Variants in CCDC120 observed in about 807,000 individuals in gnomAD.
CCDC120 encodes coiled-coil domain-containing protein 120.
Under a neutral mutation model 37.6 loss-of-function variants are expected in CCDC120, and 16 were observed. That is an observed-to-expected ratio of 0.43 (90% CI 0.29 to 0.65). The LOEUF (loss-of-function observed/expected upper bound fraction) is 0.65. Ranked by LOEUF, CCDC120 falls within the 30% of genes least tolerant of loss-of-function variation. CCDC120 has a pLI of 0.18. For missense variants in CCDC120, 650 were observed against 657.4 expected (o/e 0.99, Z 0.12); for synonymous variants, 309 against 275.4 (o/e 1.12, Z -1.21).
chrX:49,056,198 T>A (rs1345859945), upstream of CCDC120, among the ~76,000 whole-genome samples: 1 of 111,495 alleles, frequency 9.0e-6, no homozygotes, highest in Admixed American at 9.6e-5. Flanking sequence ...CCTGCATTTT[T>A]GATGTTGAGA....
chrX:49,062,484 G>T lies in CCDC120; in HGVS notation c.171G>T (p.Glu57Asp). ...TFNAPAALFG[E>D]AAPQVKSERL... ...TGTGTCCAGCTGCCCTGTTCGGAGA[G>T]GCTGCCCCCCAGGTGAAGTCAGAGC... is the stretch of plus-strand genomic sequence containing the variant. The change falls in exon 4 of 11, where the codon GAG becomes GAT. Residue 57 changes from glutamate to aspartate, a missense_variant. By Grantham distance (45) the Glu-to-Asp change is conservative. Transcript: ENST00000603986. 1.6e-6 allele frequency: 2 copies of T among 1,212,224 alleles called. No individual in the cohort carries two copies. The highest frequency in any genetic ancestry group is 2.2e-6 in the Non-Finnish European group (2 of 895,647).
chrX:49,063,927 C>T lies in CCDC120; in HGVS notation c.355C>T (p.Arg119Trp), dbSNP rs782132519. 3.1e-5 allele frequency: 37 copies of T among 1,207,402 alleles called. No homozygotes were observed. Among genetic ancestry groups the T allele is most frequent in the African/African-American group, 1.1e-4 (6 of 56,896 alleles). ...EPGERPQLVR[R>W]RPPTARAYPP... ...TGGTGAACGGCCCCAGTTGGTCCGC[C>T]GGCGGCCCCCCACAGCCCGCGCCTA... The change falls in exon 5 of 11, where the codon CGG becomes TGG. Residue 119 changes from arginine to tryptophan, a missense_variant. Coordinates refer to ENST00000603986, the MANE Select transcript of CCDC120 (RefSeq NM_001163321.4).
chrX:49,060,066 TAGGG>T (rs1311820867), intron 1 of CCDC120, among the ~76,000 whole-genome samples: 3 of 111,734 alleles, frequency 2.7e-5, no homozygotes, highest in African/African-American at 9.8e-5. Context: ...GTCGGGCTGA[TAGGG>T]AGGAGTTGGG....
chrX:49,060,866 G>C (rs782320258), intron 1 of CCDC120, among the ~76,000 whole-genome samples: 23 of 112,040 alleles, frequency 2.1e-4, no homozygotes, highest in Middle Eastern at 9.3e-3. Flanking sequence ...GAAGGGGCTT[G>C]AACCCATGCC....
At chrX:49,062,361 C>G (rs1557079693) in intron 3 of CCDC120, 36 bp downstream of exon 3, 1 of 1,207,260 alleles carries the variant, frequency 8.3e-7, no homozygotes, top group Admixed American at 2.2e-5. Context: ...GCCTCCTCCC[C>G]TGCTCTGAAT....
At chrX:49,063,038 C>T (rs1183121371) in intron 4 of CCDC120, among the ~76,000 whole-genome samples, 1 of 111,267 alleles carries the variant, frequency 9.0e-6, no homozygotes, top group African/African-American at 3.3e-5. Context: ...ACTAAAAATA[C>T]AAAAAATTAG....
chrX:49,064,423 G>A lies in CCDC120; in HGVS notation c.483G>A (p.Ala161=), dbSNP rs781853404. ...EREVSVQQQI[A]AAARRLALAP... is the part of the protein sequence containing the mutation. ...AGGTGTCAGTGCAACAGCAGATCGCGGCGGCCGCCCGCCGCCTGGCCTTGG... is the reference window on the plus strand; with the variant it reads ...AGGTGTCAGTGCAACAGCAGATCGCAGCGGCCGCCCGCCGCCTGGCCTTGG... Residue 161 remains alanine (A), a synonymous_variant, in exon 6 of 11, where the codon GCG becomes GCA. Coordinates refer to ENST00000603986, the MANE Select transcript of CCDC120 (RefSeq NM_001163321.4). 1.4e-5 allele frequency: 17 copies of A among 1,175,720 alleles called. No individual in the cohort carries two copies. The highest frequency in any genetic ancestry group is 7.5e-5 in the South Asian group (4 of 53,337).
rs186659259 is a variant in CCDC120, at chrX:49,059,304, C to T, written c.-84+209C>T. 591 of 751,157 alleles carry T rather than the reference C, an allele frequency of 7.9e-4. 4 individuals carry two copies. In the African/African-American group the frequency reaches 0.012, roughly 16 times the overall value. The allele number at this position is 751,157 out of a possible 1,213,427, so 61.9% of individuals were successfully genotyped here. A position where few individuals can be genotyped will look rare whatever the true frequency, so the allele number is the denominator to read the frequency against. ...GGGGCAAAGCCCAAAACACCAATTT[C>T]CTTTCCTGGCACCAAGCCGATTCCC... On this transcript the variant is annotated intron_variant, in intron 1 of 10. Coordinates refer to ENST00000603986, the MANE Select transcript of CCDC120 (RefSeq NM_001163321.4).
chrX:49,056,657 T>C (rs1437427268), upstream of CCDC120, among the ~76,000 whole-genome samples: 1 of 106,727 alleles, frequency 9.4e-6, no homozygotes, highest in Non-Finnish European at 1.9e-5. Flanking sequence ...AAATTGCGTC[T>C]GAATACATTT....
At chrX:49,065,135 C>CTACGTCCCTTTAGCCCATCCCCTT in intron 7 of CCDC120, 37 bp downstream of exon 7, 5 of 1,170,462 alleles carry the variant, frequency 4.3e-6, no homozygotes, top group Non-Finnish European at 5.8e-6. Context: ...CCCCCGACTC[C>CTACGTCCCTTTAGCCCATCCCCTT]TACGTCCCTT....
chrX:49,067,727 C>T lies in CCDC120; in HGVS notation c.1613C>T (p.Thr538Ile). 1 of 1,194,719 alleles carries T rather than the reference C, an allele frequency of 8.4e-7. No individual in the cohort carries two copies. Among genetic ancestry groups the T allele is most frequent in the Non-Finnish European group, 1.1e-6 (1 of 883,882 alleles). The change falls in exon 10 of 11, where the codon ACC becomes ATC. Residue 538 changes from threonine to isoleucine, a missense_variant. Transcript: ENST00000603986. Reference sequence around the variant, plus strand: ...GACAGCAACAGCCCCCTCCTCCGCACCAAGGACCCCCACACCCGTGCCACC... The same window carrying T: ...GACAGCAACAGCCCCCTCCTCCGCATCAAGGACCCCCACACCCGTGCCACC... ...AADSNSPLLR[T>I]KDPHTRATRT...
chrX:49,054,292 C>T (rs1433882502), upstream of CCDC120, among the ~76,000 whole-genome samples: 1 of 111,250 alleles, frequency 9.0e-6, no homozygotes, highest in Non-Finnish European at 1.9e-5. Context: ...CTGTCTGTTC[C>T]CTAAACTCTT....
In CCDC120 at chrX:49,065,674, T is replaced by TAGCA. The variant is rs1557080987; in HGVS notation, c.962+50_962+53dup. 4.2e-6 allele frequency: 5 copies of TAGCA among 1,199,652 alleles called. No individual in the cohort carries two copies. In the South Asian group the frequency reaches 9.1e-5, roughly 22 times the overall value. On this transcript the variant is annotated intron_variant, in intron 8 of 10. Coordinates refer to ENST00000603986, the MANE Select transcript of CCDC120 (RefSeq NM_001163321.4). ...CCCTCCGCAGGAGCTGGGAATGGGATAGCAAGCCTGGGCTGGCAGAGGGTC... is the reference window on the plus strand; with the variant it reads ...CCCTCCGCAGGAGCTGGGAATGGGATAGCAAGCAAGCCTGGGCTGGCAGAGGGTC...
At chrX:49,057,525 C>T (rs1356363497), upstream of CCDC120, among the ~76,000 whole-genome samples, 3 of 112,569 alleles carry the variant, frequency 2.7e-5, no homozygotes, top group Non-Finnish European at 5.6e-5. Flanking sequence ...CCAATGCCCA[C>T]CTTACCACTG....
At chrX:49,065,382 G>GC in intron 7 of CCDC120, 72 bp from the exon 8 acceptor site, 1 of 1,046,638 alleles carries the variant, frequency 9.6e-7, no homozygotes, top group South Asian at 2.4e-5. Context: ...CCATGGCCTT[G>GC]CCCCCCAGCC....
In CCDC120 at chrX:49,060,826, C is replaced by G. The variant is rs1161425479; in HGVS notation, c.-83-1133C>G. ...GAGAAACATGACACCTTACAAGCAG[C>G]TTGGCCTCACCCCACAATACACAGA... is the stretch of plus-strand genomic sequence containing the variant. On this transcript the variant is annotated intron_variant, in intron 1 of 10. Coordinates refer to ENST00000603986, the MANE Select transcript of CCDC120 (RefSeq NM_001163321.4). Among the ~76,000 whole-genome samples the G allele has an allele frequency of 2.7e-5, 3 of 112,093 alleles. No homozygotes were observed. In the Admixed American group the frequency reaches 2.8e-4, roughly 11 times the overall value.
At position 49,061,939 on chromosome X, in the gene CCDC120, C is replaced by T. The variant is rs920992614; in HGVS notation, c.-83-20C>T. On this transcript the variant is annotated intron_variant, in intron 1 of 10. Transcript: ENST00000603986. The stretch of plus-strand genomic sequence containing the variant: ...TTGTTATAGTTGGTTGAATCTGTCC[C>T]ATTAATTCTCCTTCCCCAGGCAAGA... 31 of 1,114,693 alleles carry T rather than the reference C, an allele frequency of 2.8e-5. No individual in the cohort carries two copies. The East Asian group carries it at 1.0e-3, about 37-fold the overall frequency. 91.9% of individuals were successfully genotyped at this position (1,114,693 alleles called of 1,213,427 possible). A position where few individuals can be genotyped will look rare whatever the true frequency, so the allele number is the denominator to read the frequency against.
At chrX:49,066,812 C>T (rs1017332418) in intron 9 of CCDC120, 13 of 93,266 alleles carry the variant, frequency 1.4e-4, no homozygotes, top group Non-Finnish European at 2.6e-4. Context: ...TCCTGGAGGC[C>T]GTGCGAGCCA....
In CCDC120 at chrX:49,069,623, C is replaced by T. The variant is rs192061071; in HGVS notation, c.*965C>T. ...CTCGTGATCTGCCCGCCTTGGCCTC[C>T]CAAAGTGCTGGGATTACAGCCGTGA... On this transcript the variant is annotated 3_prime_UTR_variant, in exon 11 of 11. Transcript: ENST00000603986. 8.9e-6 allele frequency: 1 copy of T among 112,469 alleles called. No individual in the cohort carries two copies. The highest frequency in any genetic ancestry group is 3.2e-5 in the African/African-American group (1 of 30,948). The allele number at this position is 112,469 out of a possible 1,213,427, so 9.3% of individuals were successfully genotyped here.
Sources: gnomAD v4.1 joint callset for allele counts (sites outside exome capture counted in the v4.1 genomes callset) on GRCh38, gnomAD v4.1.1 for gene constraint, MANE v1.5 for transcripts, NCBI Gene and HGNC (gene_info 2026-07-23, HGNC 2026-07-21) for gene names.